The following MREG variants were observed in gnomAD, a reference collection of about 807,000 sequenced individuals.
The protein encoded by MREG is dilute suppressor protein homolog.
MREG carries 31 observed loss-of-function variants against 28.5 expected under a neutral mutation model. That is an observed-to-expected ratio of 1.09 (90% CI 0.82 to 1.47). The LOEUF (loss-of-function observed/expected upper bound fraction) is 1.47, where lower values mean the gene tolerates loss of function less well. Among genes scored for constraint, MREG ranks in the 40% most tolerant of loss-of-function variants. The pLI, the probability that MREG is intolerant of heterozygous loss-of-function variation, is 0.00. For synonymous variants in MREG, 106 were observed against 95.2 expected, an observed-to-expected ratio of 1.11 and a Z score of -0.66; for missense variants, 256 against 257.4, an observed-to-expected ratio of 0.99 and a Z score of 0.04.
chr2:215,979,467 A>AAAT (rs201080423), intron 2 of MREG, among the ~76,000 whole-genome samples: 23,228 of 132,256 alleles, frequency 0.18, 2,107 homozygotes, highest in Non-Finnish European at 0.21. Flanking sequence ...CCATCTCAAA[A>AAAT]AATAATAATA....
At chr2:215,998,796 G>A (rs1693939029) in intron 1 of MREG, among the ~76,000 whole-genome samples, 1 of 152,144 alleles carries the variant, frequency 6.6e-6, no homozygotes, top group Non-Finnish European at 1.5e-5. Context: ...AACAAATGTG[G>A]AATAAATGCC....
At chr2:215,998,805 C>A (rs1191041846) in intron 1 of MREG, among the ~76,000 whole-genome samples, 1 of 152,140 alleles carries the variant, frequency 6.6e-6, no homozygotes, top group African/African-American at 2.4e-5. Context: ...GGAATAAATG[C>A]CTGCTGTATA....
chr2:215,982,921 T>G (rs990569992), intron 2 of MREG, among the ~76,000 whole-genome samples: 2 of 152,196 alleles, frequency 1.3e-5, no homozygotes, highest in Admixed American at 1.3e-4. Context: ...CAGGGTAATA[T>G]TCTATAAATA....
At chr2:215,957,632 T>C (rs972576309) in intron 2 of MREG, among the ~76,000 whole-genome samples, 2 of 152,160 alleles carry the variant, frequency 1.3e-5, no homozygotes, top group Non-Finnish European at 2.9e-5. Flanking sequence ...TGAGACTCCC[T>C]GATACTTTTC....
chr2:215,962,541 C>G (rs978759667), intron 2 of MREG, among the ~76,000 whole-genome samples: 1 of 152,134 alleles, frequency 6.6e-6, no homozygotes, highest in Non-Finnish European at 1.5e-5. Flanking sequence ...TAAATTCCTG[C>G]CCGTGGATAG....
In MREG at chr2:216,013,438, C is replaced by T. The variant is rs1694373109; in HGVS notation, c.-111G>A. 1 of 654,604 alleles carries T rather than the reference C, an allele frequency of 1.5e-6. No homozygotes were observed. The highest frequency in any genetic ancestry group is 2.1e-6 in the Non-Finnish European group (1 of 479,274). The allele number at this position is 654,604 out of a possible 1,614,324, so 40.5% of individuals were successfully genotyped here. A position where few individuals can be genotyped will look rare whatever the true frequency, so the allele number is the denominator to read the frequency against. ...CAGCGTCCAGGTGCGGGGACAGCGG[C>T]AGCCCGGGCGTCGCGGGCTGGTCCG... On this transcript the variant is annotated 5_prime_UTR_variant, in exon 1 of 5. Coordinates refer to ENST00000263268, the MANE Select transcript of MREG (RefSeq NM_018000.3).
At chr2:215,977,317 C>T (rs1268292203) in intron 2 of MREG, among the ~76,000 whole-genome samples, 1 of 152,170 alleles carries the variant, frequency 6.6e-6, no homozygotes, top group Non-Finnish European at 1.5e-5. Context: ...ATCTATTCAA[C>T]AAGAAGAACT....
At chr2:216,029,887 A>C (rs1381605571) in intron 1 of MREG, among the ~76,000 whole-genome samples, 1 of 152,216 alleles carries the variant, frequency 6.6e-6, no homozygotes, top group African/African-American at 2.4e-5. Flanking sequence ...TGTGCATGCC[A>C]AGCAAACCAA....
intron 1 of MREG, among the ~76,000 whole-genome samples, chr2:216,003,655 A>G (rs1173294107): frequency 2.0e-5 from 3 of 152,132 alleles, no homozygotes; most frequent in African/African-American, 7.2e-5. Flanking sequence ...GGTCCCGACC[A>G]AGCACCTGAT....
chr2:216,000,333 G>A (rs1290235149), intron 1 of MREG, among the ~76,000 whole-genome samples: 1 of 152,092 alleles, frequency 6.6e-6, no homozygotes, highest in African/African-American at 2.4e-5. Flanking sequence ...TGCTGTGACA[G>A]GGATGCACTC....
At chr2:216,002,178 T>G (rs560116791) in intron 1 of MREG, among the ~76,000 whole-genome samples, 1 of 152,350 alleles carries the variant, frequency 6.6e-6, no homozygotes, top group East Asian at 1.9e-4. Context: ...AAGCTGCTTT[T>G]ACTCTCAAAA....
chr2:215,994,857 A>G (rs1458668306), intron 2 of MREG, among the ~76,000 whole-genome samples: 5 of 152,104 alleles, frequency 3.3e-5, no homozygotes, highest in African/African-American at 1.2e-4. Context: ...AGCCCCTTTC[A>G]CATTTGCATG....
At chr2:216,017,996 CAA>C (rs35615805), upstream of MREG, among the ~76,000 whole-genome samples, 984 of 127,326 alleles carry the variant, frequency 7.7e-3, 7 homozygotes, top group African/African-American at 0.025. Flanking sequence ...ACTAAAAATA[CAA>C]AAAAAAAAAA....
chr2:215,965,985 G>T (rs1692927694), intron 2 of MREG, among the ~76,000 whole-genome samples: 1 of 152,200 alleles, frequency 6.6e-6, no homozygotes, highest in South Asian at 2.1e-4. Context: ...TCTTAGAATT[G>T]CAATACCCAA....
chr2:215,974,411 G>A (rs1289445703), intron 2 of MREG, among the ~76,000 whole-genome samples: 1 of 152,120 alleles, frequency 6.6e-6, no homozygotes, highest in East Asian at 1.9e-4. Flanking sequence ...AGCAAGCCCA[G>A]TGTTCTTATG....
At chr2:216,016,925 A>T (rs573931883), upstream of MREG, among the ~76,000 whole-genome samples, 107 of 152,358 alleles carry the variant, frequency 7.0e-4, 1 homozygote, top group Non-Finnish European at 1.2e-3. Context: ...TAACATTTTT[A>T]AAATTAATTT....
At chr2:215,949,913 T>C (rs1291593781) in intron 2 of MREG, among the ~76,000 whole-genome samples, 1 of 152,256 alleles carries the variant, frequency 6.6e-6, no homozygotes, top group Non-Finnish European at 1.5e-5. Flanking sequence ...TAGTTTATCT[T>C]ATCTCACTAT....
chr2:215,940,391 T>C (rs141081309), downstream of MREG, among the ~76,000 whole-genome samples: 15 of 152,320 alleles, frequency 9.8e-5, no homozygotes, highest in African/African-American at 3.4e-4. Context: ...AGGAAATGAA[T>C]AAATACATTA....
chr2:215,988,342 G>A (rs557100737), intron 2 of MREG, among the ~76,000 whole-genome samples: 1 of 152,198 alleles, frequency 6.6e-6, no homozygotes, highest in East Asian at 1.9e-4. Context: ...ATCGTGCTGT[G>A]AGTAATGGTG....
Sources: allele counts gnomAD v4.1 joint callset (sites outside exome capture counted in the v4.1 genomes callset), GRCh38; gene constraint gnomAD v4.1.1; transcripts MANE v1.5; gene names NCBI Gene and HGNC (gene_info 2026-07-23, HGNC 2026-07-21).